The following SLC39A11 variants were observed in gnomAD, a reference collection of about 807,000 sequenced individuals.
The protein encoded by SLC39A11 is solute carrier family 39 member 11, also known as zinc transporter ZIP11.
SLC39A11 carries 33 observed loss-of-function variants against 36.1 expected under a neutral mutation model. That is an observed-to-expected ratio of 0.91 (90% CI 0.69 to 1.22). The LOEUF (loss-of-function observed/expected upper bound fraction) is 1.22. SLC39A11 is among the 50% of genes most tolerant of loss of function. The pLI is 0.00. For missense variants in SLC39A11, 432 were observed against 430.3 expected, an observed-to-expected ratio of 1.00 and a Z score of -0.03; for synonymous variants, 166 against 170.3, an observed-to-expected ratio of 0.97 and a Z score of 0.20.
intron 7 of SLC39A11, among the ~76,000 whole-genome samples, chr17:72,710,032 T>C (rs1342006315): frequency 6.6e-6 from 1 of 152,236 alleles, no homozygotes; most frequent in African/African-American, 2.4e-5. Flanking sequence ...TTGAGGAACA[T>C]GCAGAAGTCT....
At chr17:72,737,440 G>A (rs993835398) in intron 6 of SLC39A11, among the ~76,000 whole-genome samples, 8 of 152,282 alleles carry the variant, frequency 5.3e-5, no homozygotes, top group Non-Finnish European at 1.0e-4. Flanking sequence ...TGTATGGCCT[G>A]AAATCTAAAA....
At chr17:73,010,775 C>A (rs59067019) in intron 4 of SLC39A11, among the ~76,000 whole-genome samples, 2 of 152,254 alleles carry the variant, frequency 1.3e-5, no homozygotes, top group Non-Finnish European at 2.9e-5. Flanking sequence ...TTGTCTCCTG[C>A]GTGTTTAATT....
chr17:72,694,484 C>T (rs2072192955), intron 7 of SLC39A11, among the ~76,000 whole-genome samples: 1 of 152,238 alleles, frequency 6.6e-6, no homozygotes. Context: ...ATCTCAGCTG[C>T]TCGCCACTGT....
At chr17:73,062,408 G>T (rs1169187464) in intron 3 of SLC39A11, among the ~76,000 whole-genome samples, 2 of 136,306 alleles carry the variant, frequency 1.5e-5, no homozygotes, top group African/African-American at 5.5e-5. Context: ...GTTACAGTGA[G>T]CTAAGATTGC....
chr17:72,847,240 G>A (rs192655291), intron 6 of SLC39A11, among the ~76,000 whole-genome samples: 12 of 151,862 alleles, frequency 7.9e-5, no homozygotes, highest in Admixed American at 3.3e-4. Context: ...CCGTCTCTTC[G>A]AAAAATACAA....
intron 3 of SLC39A11, among the ~76,000 whole-genome samples, chr17:73,052,178 G>GA (rs11455533): frequency 0.54 from 80,467 of 148,442 alleles, 21,458 homozygotes; most frequent in African/African-American, 0.56. Context: ...ATCAACCCCA[G>GA]AAAAAAAAAA....
rs1567995020 is a variant in SLC39A11 at position 72,729,440 on chromosome 17, TATATA to T, written c.671+7205_671+7209del. Among the ~76,000 whole-genome samples the T allele has an allele frequency of 7.2e-3, 38 of 5,310 alleles. 2 individuals are homozygous for T. Among genetic ancestry groups the T allele is most frequent in the African/African-American group, 0.014 (17 of 1,220 alleles). 3.5% of individuals were successfully genotyped at this position (5,310 alleles called of 152,430 possible). On this transcript the variant is annotated intron_variant, in intron 7 of 9. Transcript: ENST00000255559. ...ATATATATATATATATATATATATA[TATATA>T]TATATATATATATTTTTTTTTTTTT...
At chr17:72,729,426 TATATATATATATATATATATATATATATA>T (rs1567994528) in intron 7 of SLC39A11, among the ~76,000 whole-genome samples, 253 of 5,300 alleles carry the variant, frequency 0.048, 29 homozygotes, top group African/African-American at 0.075. Flanking sequence ...TATATATATA[TATATATATATATATATATATATATATATA>T]TATTTTTTTT....
intron 5 of SLC39A11, among the ~76,000 whole-genome samples, chr17:72,898,663 A>C (rs903459702): frequency 2.6e-5 from 4 of 152,256 alleles, no homozygotes; most frequent in Non-Finnish European, 4.4e-5. Context: ...ATGCACACAT[A>C]TATGCATGCA....
At chr17:72,766,768 A>C (rs1449755183) in intron 6 of SLC39A11, among the ~76,000 whole-genome samples, 1 of 152,180 alleles carries the variant, frequency 6.6e-6, no homozygotes, top group African/African-American at 2.4e-5. Flanking sequence ...TTGGACAAGC[A>C]CTGTCATTTT....
intron 7 of SLC39A11, among the ~76,000 whole-genome samples, chr17:72,679,875 C>T (rs1337259733): frequency 1.3e-5 from 2 of 151,956 alleles, no homozygotes; most frequent in Non-Finnish European, 2.9e-5. Flanking sequence ...AACCCTGTCT[C>T]TACCAAAAAT....
chr17:72,962,419 G>A (rs190111954), intron 4 of SLC39A11, among the ~76,000 whole-genome samples: 1 of 152,290 alleles, frequency 6.6e-6, no homozygotes, highest in East Asian at 1.9e-4. Context: ...CATATTGGCT[G>A]TTGTAAGAAT....
intron 6 of SLC39A11, among the ~76,000 whole-genome samples, chr17:72,785,513 G>A (rs2076480895): frequency 6.6e-6 from 1 of 152,224 alleles, no homozygotes; most frequent in Non-Finnish European, 1.5e-5. Context: ...AGGGGAGAGA[G>A]GGCTGAAAGA....
chr17:72,956,814 CT>C (rs2086269054), intron 4 of SLC39A11, among the ~76,000 whole-genome samples: 1 of 152,206 alleles, frequency 6.6e-6, no homozygotes, highest in African/African-American at 2.4e-5. Flanking sequence ...CACAATTTCT[CT>C]TTCCTAAAAA....
intron 5 of SLC39A11, among the ~76,000 whole-genome samples, chr17:72,924,240 T>C (rs941211300): frequency 4.7e-5 from 7 of 150,024 alleles, no homozygotes; most frequent in Admixed American, 1.3e-4. Context: ...CGTTAAAGTC[T>C]CTAAAGGAAT....
At chr17:72,798,149 G>A (rs1262163780) in intron 6 of SLC39A11, among the ~76,000 whole-genome samples, 2 of 152,042 alleles carry the variant, frequency 1.3e-5, no homozygotes, top group Admixed American at 6.5e-5. Context: ...GCAACTTCAG[G>A]TTATGTGTGT....
In SLC39A11 at chr17:72,664,376, G is replaced by A. The variant is rs112019105; in HGVS notation, c.672-15108C>T. Among the ~76,000 whole-genome samples the A allele has an allele frequency of 4.2e-3, 634 of 152,314 alleles. 5 individuals carry two copies. The highest frequency in any genetic ancestry group is 0.014 in the African/African-American group (588 of 41,564). ...TCCACATAAAACTGCAGAAGGCAGG[G>A]AGGGAAAGTGGTCAGTGGCAGCTTT... On this transcript the variant is annotated intron_variant, in intron 7 of 9. Transcript: ENST00000255559.
intron 4 of SLC39A11, among the ~76,000 whole-genome samples, chr17:72,957,850 C>A (rs771403708): frequency 2.0e-5 from 3 of 151,198 alleles, no homozygotes; most frequent in Admixed American, 6.6e-5. Context: ...ATTAGCCAGG[C>A]GTGATGGCTT....
intron 7 of SLC39A11, among the ~76,000 whole-genome samples, chr17:72,735,805 G>A (rs913574044): frequency 3.9e-5 from 6 of 152,168 alleles, no homozygotes; most frequent in Non-Finnish European, 7.4e-5. Flanking sequence ...GCTGCACGAT[G>A]TCTAGAGAAC....
Sources: allele counts gnomAD v4.1 joint callset (sites outside exome capture counted in the v4.1 genomes callset), GRCh38; gene constraint gnomAD v4.1.1; transcripts MANE v1.5; gene names NCBI Gene and HGNC (gene_info 2026-07-23, HGNC 2026-07-21).